LHFPL6: variants seen among roughly 807,000 people sequenced by gnomAD.
LHFPL6 encodes the protein LHFPL tetraspan subfamily member 6 protein.
A neutral mutation model predicts 20.6 loss-of-function variants in LHFPL6; 9 were observed. The ratio of observed to expected loss-of-function variants is 0.44; its 90% CI spans 0.26 to 0.76. The LOEUF is 0.76. Ranked by LOEUF, LHFPL6 falls within the 30% of genes least tolerant of loss-of-function variation. LHFPL6 has a pLI of 0.20. For synonymous variants in LHFPL6, 105 were observed against 98.7 expected, an observed-to-expected ratio of 1.06 and a Z score of -0.38; for missense variants, 218 against 253.5, an observed-to-expected ratio of 0.86 and a Z score of 0.95.
chr13:39,458,299 A>T (rs1872615632), intron 2 of LHFPL6, among the ~76,000 whole-genome samples: 1 of 152,210 alleles, frequency 6.6e-6, no homozygotes, highest in South Asian at 2.1e-4. Flanking sequence ...AGAAAAGTAC[A>T]GGCTAAGAAA....
intron 2 of LHFPL6, among the ~76,000 whole-genome samples, chr13:39,387,025 T>C (rs1295425075): frequency 1.3e-5 from 2 of 152,186 alleles, no homozygotes; most frequent in East Asian, 1.9e-4. Context: ...TGAGCTGCTA[T>C]TTTGATGCAC....
intron 2 of LHFPL6, among the ~76,000 whole-genome samples, chr13:39,514,389 G>A (rs953137957): frequency 2.0e-5 from 3 of 152,164 alleles, no homozygotes; most frequent in African/African-American, 7.2e-5. Flanking sequence ...CTGTTCTCTT[G>A]ATGATGAGGG....
intron 2 of LHFPL6, among the ~76,000 whole-genome samples, chr13:39,598,789 C>T: frequency 6.6e-6 from 1 of 152,112 alleles, no homozygotes. Context: ...GATCTCCTGA[C>T]CTCGTGATCC....
At chr13:39,533,654 C>G (rs1593352469) in intron 2 of LHFPL6, among the ~76,000 whole-genome samples, 3 of 152,174 alleles carry the variant, frequency 2.0e-5, no homozygotes, top group South Asian at 4.1e-4. Context: ...TCCTCCCCAC[C>G]ACTGGAGTCC....
intron 2 of LHFPL6, among the ~76,000 whole-genome samples, chr13:39,532,033 T>C (rs896610127): frequency 6.6e-6 from 1 of 152,198 alleles, no homozygotes; most frequent in Non-Finnish European, 1.5e-5. Context: ...CAAACTATAA[T>C]GCCAACAGCA....
At chr13:39,491,845 T>C (rs1169140647) in intron 2 of LHFPL6, among the ~76,000 whole-genome samples, 1 of 152,210 alleles carries the variant, frequency 6.6e-6, no homozygotes, top group Non-Finnish European at 1.5e-5. Flanking sequence ...ATGTGGTTAG[T>C]TACTACTATA....
At chr13:39,519,510 C>G (rs1456993402) in intron 2 of LHFPL6, among the ~76,000 whole-genome samples, 1 of 152,194 alleles carries the variant, frequency 6.6e-6, no homozygotes, top group Non-Finnish European at 1.5e-5. Flanking sequence ...CTCCCTCAGT[C>G]TGCAATTTAT....
intron 1 of LHFPL6, 107 bp downstream of exon 1, chr13:39,602,776 G>T (rs1873003835): frequency 6.6e-6 from 1 of 152,366 alleles, no homozygotes; most frequent in South Asian, 2.1e-4. Flanking sequence ...CCGAGCTCAG[G>T]AAGTCCGGAG....
At chr13:39,447,368 T>A (rs1000111257) in intron 2 of LHFPL6, among the ~76,000 whole-genome samples, 2 of 152,228 alleles carry the variant, frequency 1.3e-5, no homozygotes, top group Admixed American at 1.3e-4. Flanking sequence ...ATATTTTTTT[T>A]AAATTGATAT....
intron 2 of LHFPL6, among the ~76,000 whole-genome samples, chr13:39,514,761 A>T (rs778663032): frequency 4.6e-5 from 7 of 152,262 alleles, no homozygotes; most frequent in Non-Finnish European, 1.0e-4. Flanking sequence ...CTGCACTTAC[A>T]TATAAAAGAA....
chr13:39,510,185 C>G (rs915455482), intron 2 of LHFPL6, among the ~76,000 whole-genome samples: 16 of 152,138 alleles, frequency 1.1e-4, no homozygotes, highest in African/African-American at 3.4e-4. Context: ...AATCAAAGCA[C>G]TTCACGTGAG....
At chr13:39,457,928 GA>G (rs1872608489) in intron 2 of LHFPL6, among the ~76,000 whole-genome samples, 1 of 152,150 alleles carries the variant, frequency 6.6e-6, no homozygotes, top group African/African-American at 2.4e-5. Flanking sequence ...AAGATTTTGA[GA>G]AAAGAGTGAT....
At chr13:39,547,232 C>T (rs546949866) in intron 2 of LHFPL6, among the ~76,000 whole-genome samples, 1 of 152,172 alleles carries the variant, frequency 6.6e-6, no homozygotes, top group Admixed American at 6.5e-5. Flanking sequence ...GCCCTTTTTA[C>T]CTTTCTCCCA....
intron 2 of LHFPL6, among the ~76,000 whole-genome samples, chr13:39,478,559 T>C (rs538403835): frequency 1.3e-5 from 2 of 152,274 alleles, no homozygotes; most frequent in Admixed American, 6.5e-5. Flanking sequence ...AGATAAAACA[T>C]TATTTCTGGG....
At chr13:39,470,571 T>C (rs1181078967) in intron 2 of LHFPL6, among the ~76,000 whole-genome samples, 3 of 152,188 alleles carry the variant, frequency 2.0e-5, no homozygotes, top group Non-Finnish European at 2.9e-5. Flanking sequence ...TCGCATTTCA[T>C]CTATGCACAC....
chr13:39,508,874 C>T (rs1203808756), intron 2 of LHFPL6, among the ~76,000 whole-genome samples: 3 of 152,114 alleles, frequency 2.0e-5, no homozygotes, highest in Non-Finnish European at 2.9e-5. Context: ...TGGACTGGCT[C>T]GGGTAATACA....
chr13:39,571,282 C>T (rs923059269), intron 2 of LHFPL6, among the ~76,000 whole-genome samples: 3 of 152,218 alleles, frequency 2.0e-5, no homozygotes, highest in African/African-American at 7.2e-5. Context: ...ACTTGTCTTC[C>T]TGTTCGATGC....
rs546404414 is a variant in LHFPL6 at position 39,555,091 on chromosome 13, GC to G, written c.385+45740del. On this transcript the variant is annotated intron_variant, in intron 2 of 3. Coordinates refer to ENST00000379589, the MANE Select transcript of LHFPL6 (RefSeq NM_005780.3). ...AAAGATTACGAACAAGGCCAAGTAA[GC>G]TTTTGGCTCCTTCAAAATTCTAACA... Among the ~76,000 whole-genome samples the G allele has an allele frequency of 2.3e-3, 357 of 152,240 alleles. 2 individuals are homozygous for G. The highest frequency in any genetic ancestry group is 7.8e-3 in the African/African-American group (325 of 41,552).
intron 2 of LHFPL6, among the ~76,000 whole-genome samples, chr13:39,577,559 C>T (rs756537505): frequency 3.9e-5 from 6 of 152,152 alleles, no homozygotes; most frequent in Non-Finnish European, 8.8e-5. Flanking sequence ...CTATGAGAGG[C>T]AGTCTGGTGT....
Sources: gnomAD v4.1 joint callset for allele counts (sites outside exome capture counted in the v4.1 genomes callset) on GRCh38, gnomAD v4.1.1 for gene constraint, MANE v1.5 for transcripts, NCBI Gene and HGNC (gene_info 2026-07-23, HGNC 2026-07-21) for gene names.